SPPL3: variants seen among roughly 807,000 people sequenced by gnomAD.
The protein encoded by SPPL3 is signal peptide peptidase-like 3.
In SPPL3, 5 loss-of-function variants were observed where a neutral mutation model predicts 42.4. The ratio of observed to expected loss-of-function variants is 0.12; its 90% CI spans 0.06 to 0.25. The LOEUF is 0.25. Ranked by LOEUF, SPPL3 falls within the 10% of genes least tolerant of loss-of-function variation. The pLI, the probability that SPPL3 is intolerant of heterozygous loss-of-function variation, is 1.00. For synonymous variants in SPPL3, 195 were observed against 181.8 expected, an observed-to-expected ratio of 1.07 and a Z score of -0.58; for missense variants, 235 against 489.0, an observed-to-expected ratio of 0.48 and a Z score of 4.90.
intron 1 of SPPL3, among the ~76,000 whole-genome samples, chr12:120,891,905 G>C (rs907165966): frequency 1.3e-5 from 2 of 152,128 alleles, no homozygotes; most frequent in African/African-American, 4.8e-5. Flanking sequence ...AGACTAAGCT[G>C]AATGAAGAAG....
intron 6 of SPPL3, among the ~76,000 whole-genome samples, chr12:120,771,187 A>G (rs771027847): frequency 1.3e-5 from 2 of 152,214 alleles, no homozygotes; most frequent in Non-Finnish European, 2.9e-5. Flanking sequence ...CCCTAGCTCA[A>G]AACTCTTAAA....
chr12:120,767,661 AGTTT>A, intron 8 of SPPL3, 68 bp from the exon 9 acceptor site: 2 of 1,541,982 alleles, frequency 1.3e-6, no homozygotes, highest in Non-Finnish European at 8.9e-7. Flanking sequence ...TTTTGTGCAA[AGTTT>A]GTTAGCTTTT....
chr12:120,904,186 G>C lies in SPPL3; in HGVS notation c.-319C>G, dbSNP rs1874082233. Reference sequence around the variant, plus strand: ...GCGCGGAGAACAAGGGGGCCCTGGGGCGGGCGAACGGCAAGACGGGCCCGC... The same window carrying C: ...GCGCGGAGAACAAGGGGGCCCTGGGCCGGGCGAACGGCAAGACGGGCCCGC... On this transcript the variant is annotated 5_prime_UTR_variant, in exon 1 of 11. Transcript: ENST00000353487. 4 of 259,380 alleles carry C rather than the reference G, an allele frequency of 1.5e-5. No homozygotes were observed. The highest frequency in any genetic ancestry group is 9.2e-5 in the African/African-American group (4 of 43,256). The allele number at this position is 259,380 out of a possible 1,614,324, so 16.1% of individuals were successfully genotyped here.
chr12:120,903,740 C>A (rs909486101), intron 1 of SPPL3, 105 bp downstream of exon 1: 7 of 721,968 alleles, frequency 9.7e-6, no homozygotes, highest in African/African-American at 1.9e-5. Context: ...GCGCCCCCCC[C>A]CCACGACACG....
chr12:120,896,787 AAAAG>A lies in SPPL3; in HGVS notation c.23+7054_23+7057del, dbSNP rs759860768. Among the ~76,000 whole-genome samples, 23 of 152,342 alleles carry A rather than the reference AAAAG, an allele frequency of 1.5e-4. 1 individual carries two copies. Among genetic ancestry groups the A allele is most frequent in the African/African-American group, 3.4e-4 (14 of 41,582 alleles). On this transcript the variant is annotated intron_variant, in intron 1 of 10. Transcript: ENST00000353487. ...GGGTGAGACTCCGTTTCAAAAAAAAAAAAGAAAGTGAAAGTTGCAAACACTTCTT... is the reference window on the plus strand; with the variant it reads ...GGGTGAGACTCCGTTTCAAAAAAAAAAAAGTGAAAGTTGCAAACACTTCTT...
intron 1 of SPPL3, among the ~76,000 whole-genome samples, chr12:120,850,699 T>C (rs957258569): frequency 6.6e-6 from 1 of 152,196 alleles, no homozygotes; most frequent in Non-Finnish European, 1.5e-5. Context: ...CACAAGCTTA[T>C]TCTCATAGTT....
At chr12:120,857,373 G>T (rs1872495926) in intron 1 of SPPL3, among the ~76,000 whole-genome samples, 1 of 152,206 alleles carries the variant, frequency 6.6e-6, no homozygotes, top group Non-Finnish European at 1.5e-5. Context: ...TACACTGTTG[G>T]TGGGAATGTA....
At chr12:120,896,264 G>A (rs920325307) in intron 1 of SPPL3, among the ~76,000 whole-genome samples, 14 of 152,140 alleles carry the variant, frequency 9.2e-5, no homozygotes, top group African/African-American at 3.4e-4. Context: ...ACAATGAGGT[G>A]GAGCTGTTTC....
chr12:120,770,251 G>A (rs577294816), intron 6 of SPPL3: 1 of 152,210 alleles, frequency 6.6e-6, no homozygotes, highest in Admixed American at 6.5e-5. Context: ...ATGTGGCCCA[G>A]GCTGATCTCA....
At chr12:120,880,424 A>G (rs966004883) in intron 1 of SPPL3, among the ~76,000 whole-genome samples, 1 of 152,126 alleles carries the variant, frequency 6.6e-6, no homozygotes, top group African/African-American at 2.4e-5. Flanking sequence ...GAACCTTATC[A>G]AAAGTAAAAA....
chr12:120,807,976 G>A (rs138065493), intron 2 of SPPL3, among the ~76,000 whole-genome samples: 15 of 152,008 alleles, frequency 9.9e-5, no homozygotes, highest in African/African-American at 3.4e-4. Flanking sequence ...GTTCTGAGCT[G>A]GAGGTCCTGA....
chr12:120,899,940 T>C lies in SPPL3; in HGVS notation c.23+3905A>G, dbSNP rs953088688. 3.8e-5 allele frequency among the ~76,000 whole-genome samples: 5 copies of C among 132,082 alleles called. No homozygotes were observed. The Admixed American group carries it at 3.9e-4, about 10-fold the overall frequency. 86.7% of individuals were successfully genotyped at this position (132,082 alleles called of 152,430 possible). A position where few individuals can be genotyped will look rare whatever the true frequency, so the allele number is the denominator to read the frequency against. ...ATTTTCATATGGGGTGGTCAGAAAA[T>C]GCTTCACAGCTAAGCAGAATTTGAG... On this transcript the variant is annotated intron_variant, in intron 1 of 10. Transcript: ENST00000353487.
intron 1 of SPPL3, 109 bp from the exon 2 acceptor site, chr12:120,810,995 G>A: frequency 3.2e-6 from 2 of 630,356 alleles, no homozygotes; most frequent in Non-Finnish European, 5.2e-6. Flanking sequence ...TTATCTTTAA[G>A]AAGGAAAAAA....
At chr12:120,838,639 A>C (rs367926379) in intron 1 of SPPL3, among the ~76,000 whole-genome samples, 15 of 152,322 alleles carry the variant, frequency 9.8e-5, no homozygotes, top group African/African-American at 3.6e-4. Context: ...CAACAGATAA[A>C]ATTTTTAGAG....
At chr12:120,860,920 T>C (rs940528548) in intron 1 of SPPL3, among the ~76,000 whole-genome samples, 12 of 152,152 alleles carry the variant, frequency 7.9e-5, no homozygotes, top group African/African-American at 2.9e-4. Flanking sequence ...TCCAGTCCCT[T>C]ATAAAACAGT....
At chr12:120,779,453 T>C (rs1279526197) in intron 6 of SPPL3, among the ~76,000 whole-genome samples, 1 of 152,254 alleles carries the variant, frequency 6.6e-6, no homozygotes, top group Non-Finnish European at 1.5e-5. Context: ...TCCATACCTG[T>C]ACCCCAGATT....
intron 1 of SPPL3, among the ~76,000 whole-genome samples, chr12:120,822,633 C>T (rs980846942): frequency 1.3e-5 from 2 of 152,126 alleles, no homozygotes; most frequent in African/African-American, 2.4e-5. Context: ...ACTAGGGTTT[C>T]TGTCTGGGAT....
chr12:120,863,228 AT>A (rs1383098570), intron 1 of SPPL3, among the ~76,000 whole-genome samples: 1 of 152,010 alleles, frequency 6.6e-6, no homozygotes, highest in Non-Finnish European at 1.5e-5. Flanking sequence ...CATGCCTATA[AT>A]CCCGGCTACT....
At chr12:120,823,650 G>C (rs556430575) in intron 1 of SPPL3, among the ~76,000 whole-genome samples, 6 of 152,172 alleles carry the variant, frequency 3.9e-5, no homozygotes, top group Admixed American at 1.3e-4. Context: ...GGGTGATACT[G>C]TCTACTCTCA....
Sources: allele counts gnomAD v4.1 joint callset (sites outside exome capture counted in the v4.1 genomes callset), GRCh38; gene constraint gnomAD v4.1.1; transcripts MANE v1.5; gene names NCBI Gene and HGNC (gene_info 2026-07-23, HGNC 2026-07-21).